The following CCDC85A variants were observed in gnomAD, a reference collection of about 807,000 sequenced individuals.
The protein encoded by CCDC85A is coiled-coil domain containing 85A.
CCDC85A carries 38 observed loss-of-function variants against 50.2 expected under a neutral mutation model. The ratio of observed to expected loss-of-function variants is 0.76; its 90% confidence interval spans 0.58 to 0.99. The LOEUF (loss-of-function observed/expected upper bound fraction) is 0.99, where lower values mean the gene tolerates loss of function less well. Among genes scored for constraint, CCDC85A ranks in the 50% least tolerant of loss-of-function variants. The pLI is 0.00. For missense variants in CCDC85A, 820 were observed against 742.0 expected, an observed-to-expected ratio of 1.11 and a Z score of -1.22; for synonymous variants, 366 against 301.4, an observed-to-expected ratio of 1.21 and a Z score of -2.22.
chr2:56,207,283 T>G (rs555378364), intron 2 of CCDC85A, among the ~76,000 whole-genome samples: 2 of 152,230 alleles, frequency 1.3e-5, no homozygotes, highest in East Asian at 3.9e-4. Context: ...CTGTTAGGAG[T>G]GCATAGGGAA....
intron 2 of CCDC85A, among the ~76,000 whole-genome samples, chr2:56,307,822 G>C (rs981694205): frequency 2.0e-5 from 3 of 152,178 alleles, no homozygotes; most frequent in Admixed American, 2.0e-4. Flanking sequence ...AAGATGGTGG[G>C]TATGGACAAG....
At chr2:56,379,391 T>C (rs1050397898) in intron 5 of CCDC85A, among the ~76,000 whole-genome samples, 1 of 152,200 alleles carries the variant, frequency 6.6e-6, no homozygotes, top group Non-Finnish European at 1.5e-5. Context: ...GTTAATTATA[T>C]TGGTCATCAT....
chr2:56,215,184 A>G (rs1677339605), intron 2 of CCDC85A, among the ~76,000 whole-genome samples: 1 of 151,882 alleles, frequency 6.6e-6, no homozygotes, highest in African/African-American at 2.4e-5. Flanking sequence ...TGTTGCTGGT[A>G]TATAGGAAGG....
intron 2 of CCDC85A, among the ~76,000 whole-genome samples, chr2:56,341,275 G>A (rs1261898570): frequency 1.3e-5 from 2 of 152,156 alleles, no homozygotes; most frequent in Non-Finnish European, 2.9e-5. Flanking sequence ...TCTTACTGGG[G>A]AAGTGGTAAT....
At chr2:56,245,917 A>C (rs915335015) in intron 2 of CCDC85A, among the ~76,000 whole-genome samples, 1 of 152,138 alleles carries the variant, frequency 6.6e-6, no homozygotes, top group African/African-American at 2.4e-5. Context: ...GGGAGAAATA[A>C]ATTTTTATTC....
chr2:56,251,903 TA>T (rs1344167573), intron 2 of CCDC85A, among the ~76,000 whole-genome samples: 1 of 152,092 alleles, frequency 6.6e-6, no homozygotes, highest in Non-Finnish European at 1.5e-5. Flanking sequence ...GTGTTTATTT[TA>T]TTTTATTATT....
chr2:56,221,545 A>G (rs1194400917), intron 2 of CCDC85A, among the ~76,000 whole-genome samples: 1 of 152,070 alleles, frequency 6.6e-6, no homozygotes, highest in East Asian at 1.9e-4. Flanking sequence ...TTGTTATTGT[A>G]ATTTTGTAAT....
intron 2 of CCDC85A, among the ~76,000 whole-genome samples, chr2:56,210,695 T>G (rs866344656): frequency 6.6e-6 from 1 of 151,916 alleles, no homozygotes; most frequent in East Asian, 1.9e-4. Flanking sequence ...AGAATTTCCA[T>G]GTGTTCTTTT....
At chr2:56,360,011 C>G (rs1024183025) in intron 3 of CCDC85A, among the ~76,000 whole-genome samples, 1 of 152,174 alleles carries the variant, frequency 6.6e-6, no homozygotes, top group South Asian at 2.1e-4. Flanking sequence ...AGAATCCTCA[C>G]TTACTTGTCT....
chr2:56,296,781 A>C (rs1671968426), intron 2 of CCDC85A, among the ~76,000 whole-genome samples: 1 of 152,192 alleles, frequency 6.6e-6, no homozygotes, highest in Admixed American at 6.6e-5. Flanking sequence ...AAGAGTTAGC[A>C]ATTTAAACAA....
intron 2 of CCDC85A, among the ~76,000 whole-genome samples, chr2:56,218,951 T>C (rs1469208956): frequency 6.6e-6 from 1 of 151,772 alleles, no homozygotes; most frequent in South Asian, 2.1e-4. Flanking sequence ...TATAAAGATA[T>C]GCTAATTATT....
chr2:56,234,907 T>A (rs935063993), intron 2 of CCDC85A, among the ~76,000 whole-genome samples: 6 of 152,212 alleles, frequency 3.9e-5, no homozygotes, highest in South Asian at 4.1e-4. Flanking sequence ...TCTTTTCTGA[T>A]GGAGATAGCT....
intron 2 of CCDC85A, among the ~76,000 whole-genome samples, chr2:56,247,707 A>G (rs957143205): frequency 6.6e-6 from 1 of 152,250 alleles, no homozygotes; most frequent in Non-Finnish European, 1.5e-5. Context: ...ATAAACCTGT[A>G]AAAAGATATC....
At chr2:56,194,884 G>A (rs1181392923) in intron 2 of CCDC85A, among the ~76,000 whole-genome samples, 1 of 150,088 alleles carries the variant, frequency 6.7e-6, no homozygotes, top group African/African-American at 2.5e-5. Context: ...CATTGCTGTG[G>A]GCAGTCTTGG....
At chr2:56,349,237 T>C (rs1261013135) in intron 3 of CCDC85A, among the ~76,000 whole-genome samples, 1 of 152,164 alleles carries the variant, frequency 6.6e-6, no homozygotes, top group Non-Finnish European at 1.5e-5. Context: ...AAATGGACTC[T>C]ACCAAATGAA....
intron 5 of CCDC85A, among the ~76,000 whole-genome samples, chr2:56,380,920 C>T (rs1334708651): frequency 6.6e-6 from 1 of 152,102 alleles, no homozygotes; most frequent in Non-Finnish European, 1.5e-5. Flanking sequence ...ATATTCTTTT[C>T]TCTATCCTAT....
chr2:56,216,609 C>A (rs190635303), intron 2 of CCDC85A, among the ~76,000 whole-genome samples: 3 of 151,358 alleles, frequency 2.0e-5, no homozygotes, highest in Non-Finnish European at 4.4e-5. Flanking sequence ...TCCTGTCTAC[C>A]TTGTTTTTGA....
chr2:56,253,355 G>C (rs1360389477), intron 2 of CCDC85A, among the ~76,000 whole-genome samples: 1 of 152,192 alleles, frequency 6.6e-6, no homozygotes, highest in African/African-American at 2.4e-5. Flanking sequence ...AGGAGCTAGG[G>C]TGAAGATCAA....
At chr2:56,352,494 C>T (rs1013008566) in intron 3 of CCDC85A, among the ~76,000 whole-genome samples, 14 of 152,128 alleles carry the variant, frequency 9.2e-5, no homozygotes, top group Middle Eastern at 3.4e-3. Flanking sequence ...TACAGGCACG[C>T]GCCACCACGC....
Sources: gnomAD v4.1 joint callset for allele counts (sites outside exome capture counted in the v4.1 genomes callset) on GRCh38, gnomAD v4.1.1 for gene constraint, MANE v1.5 for transcripts, NCBI Gene and HGNC (gene_info 2026-07-23, HGNC 2026-07-21) for gene names.